The following IFT88 variants were observed in gnomAD, a reference collection of about 807,000 sequenced individuals.
IFT88 encodes intraflagellar transport protein 88 homolog.
Under a neutral mutation model 119.5 loss-of-function variants are expected in IFT88, and 74 were observed. That is an observed-to-expected ratio of 0.62 (90% CI 0.51 to 0.75). The LOEUF (loss-of-function observed/expected upper bound fraction) is 0.75. Among genes scored for constraint, IFT88 ranks in the 30% least tolerant of loss-of-function variants. The pLI, the probability that IFT88 is intolerant of heterozygous loss-of-function variation, is 0.00. For synonymous variants in IFT88, 279 were observed against 316.7 expected (o/e 0.88, Z 1.26); for missense variants, 961 against 977.7 (o/e 0.98, Z 0.23).
chr13:20,671,156 CA>C, intron 24 of IFT88, 117 bp downstream of exon 24: 1 of 592,490 alleles, frequency 1.7e-6, no homozygotes, highest in Non-Finnish European at 2.8e-6. Context: ...TTGTTCTATA[CA>C]CAGTGAAACT....
chr13:20,597,382 G>C (rs560898615), intron 9 of IFT88, among the ~76,000 whole-genome samples: 1 of 152,162 alleles, frequency 6.6e-6, no homozygotes, highest in African/African-American at 2.4e-5. Flanking sequence ...CAAGGTGGGA[G>C]GATTACTGAG....
chr13:20,663,708 GA>G (rs1418246985), intron 23 of IFT88, 104 bp downstream of exon 23: 9 of 812,494 alleles, frequency 1.1e-5, no homozygotes, highest in Non-Finnish European at 1.2e-5. Context: ...AAACAGAGTT[GA>G]AATTTTTTTC....
chr13:20,623,382 G>A (rs147876034), intron 14 of IFT88, among the ~76,000 whole-genome samples: 2 of 152,274 alleles, frequency 1.3e-5, no homozygotes, highest in African/African-American at 4.8e-5. Flanking sequence ...AGATTGCATT[G>A]AATTCATAGA....
In IFT88 at chr13:20,583,525, A is replaced by G. The variant is rs565078301; in HGVS notation, c.153+506A>G. On this transcript the variant is annotated intron_variant, in intron 3 of 25. Coordinates refer to ENST00000351808, the MANE Select transcript of IFT88 (RefSeq NM_006531.5). ...TGTAGGAGTTCTCTATATATTCTGG[A>G]TATTAATGTCTTATCAGATGTCTGA... 2.6e-5 allele frequency among the ~76,000 whole-genome samples: 4 copies of G among 152,286 alleles called. No individual in the cohort carries two copies. In the East Asian group the frequency reaches 7.7e-4, roughly 29 times the overall value.
intron 13 of IFT88, chr13:20,607,207 G>C (rs550477592): frequency 2.5e-6 from 1 of 396,138 alleles, no homozygotes. Context: ...CCCCTGCACC[G>C]CCCATCTCAG....
At chr13:20,689,940 C>T (rs762344201) in intron 24 of IFT88, among the ~76,000 whole-genome samples, 1 of 152,108 alleles carries the variant, frequency 6.6e-6, no homozygotes, top group Non-Finnish European at 1.5e-5. Context: ...ATATTCAGTA[C>T]ACTAAAGAGC....
chr13:20,651,622 T>G (rs950768827), intron 20 of IFT88, among the ~76,000 whole-genome samples: 1 of 151,816 alleles, frequency 6.6e-6, no homozygotes, highest in African/African-American at 2.4e-5. Context: ...TTACCCTCAG[T>G]AAAGTACAAT....
intron 13 of IFT88, among the ~76,000 whole-genome samples, chr13:20,606,998 T>C (rs961687509): frequency 6.6e-6 from 1 of 152,138 alleles, no homozygotes; most frequent in African/African-American, 2.4e-5. Context: ...CCAGATGGGT[T>C]TTACTGGAGA....
intron 14 of IFT88, among the ~76,000 whole-genome samples, chr13:20,616,531 G>A (rs1202592165): frequency 1.3e-5 from 2 of 152,194 alleles, no homozygotes; most frequent in Non-Finnish European, 2.9e-5. Context: ...TAGACTAGGA[G>A]CATTAGGCTA....
chr13:20,645,841 C>T (rs575008999), intron 20 of IFT88, among the ~76,000 whole-genome samples: 5 of 152,166 alleles, frequency 3.3e-5, no homozygotes, highest in African/African-American at 7.2e-5. Flanking sequence ...GAAATGATTT[C>T]TGTTTGGAAT....
Position 20,599,399 on chromosome 13 carries a change from A to T in IFT88, c.698-52A>T, listed in dbSNP as rs2042248860. ...TGAATTAAAAGTCATCTAAAATATC[A>T]AAGAGTGGAAAAATGAGAGTATTAT... On this transcript the variant is annotated intron_variant, in intron 10 of 25. Transcript: ENST00000351808. 4.7e-6 allele frequency: 3 copies of T among 643,182 alleles called. No homozygotes were observed. In the South Asian group the frequency reaches 6.3e-5, roughly 14 times the overall value. 39.8% of individuals were successfully genotyped at this position (643,182 alleles called of 1,614,324 possible). A position where few individuals can be genotyped will look rare whatever the true frequency, so the allele number is the denominator to read the frequency against.
chr13:20,623,280 G>T lies in IFT88; in HGVS notation c.1200-2470G>T, dbSNP rs192736795. Among the ~76,000 whole-genome samples, 12 of 152,212 alleles carry T rather than the reference G, an allele frequency of 7.9e-5. No homozygotes were observed. In the East Asian group the frequency reaches 2.3e-3, roughly 29 times the overall value. ...AGCTTTGCTTTTCTTTTTCAAGATT[G>T]TTTTGGCTATTTGGAGTCCCTTGAA... is the stretch of plus-strand genomic sequence containing the variant. On this transcript the variant is annotated intron_variant, in intron 14 of 25. Transcript: ENST00000351808.
intron 23 of IFT88, 30 bp from the exon 24 acceptor site, chr13:20,670,943 T>G: frequency 6.3e-7 from 1 of 1,598,794 alleles, no homozygotes; most frequent in Non-Finnish European, 8.6e-7. Context: ...TAGCACTTAT[T>G]CTTTTAAACT....
At chr13:20,685,120 T>C (rs1247503884) in intron 24 of IFT88, among the ~76,000 whole-genome samples, 7 of 152,214 alleles carry the variant, frequency 4.6e-5, no homozygotes, top group African/African-American at 1.4e-4. Flanking sequence ...GCATTCCTTA[T>C]GGGAAACAAA....
chr13:20,580,899 G>A (rs1432361902), intron 2 of IFT88, among the ~76,000 whole-genome samples: 1 of 151,700 alleles, frequency 6.6e-6, no homozygotes, highest in Admixed American at 6.6e-5. Context: ...CTAATTTTTT[G>A]TATTTTTAGT....
chr13:20,651,790 G>A (rs952009880), intron 20 of IFT88, among the ~76,000 whole-genome samples: 18 of 152,016 alleles, frequency 1.2e-4, no homozygotes, highest in Non-Finnish European at 5.9e-5. Context: ...GTATATATAG[G>A]GTTCAGTAGT....
At position 20,582,971 on chromosome 13, in the gene IFT88, T is replaced by C; in HGVS notation, c.105T>C (p.Asp35=). The C allele has an allele frequency of 6.2e-7, 1 of 1,612,712 alleles. No homozygotes were observed. The highest frequency in any genetic ancestry group is 8.5e-7 in the Non-Finnish European group (1 of 1,179,060). The change falls in exon 3 of 26, where the codon GAT becomes GAC. Residue 35 remains aspartate (D), a synonymous_variant. Coordinates refer to ENST00000351808, the MANE Select transcript of IFT88 (RefSeq NM_006531.5). ...PIYDIEELEN[D]AAFQQAVRTS... is the part of the protein sequence containing the mutation. The stretch of plus-strand genomic sequence containing the variant: ...TTTCATTTTAGGAATTGGAGAATGA[T>C]GCAGCTTTTCAGCAAGCTGTGAGGA...
intron 2 of IFT88, among the ~76,000 whole-genome samples, chr13:20,582,321 A>G (rs990664827): frequency 6.6e-6 from 1 of 152,218 alleles, no homozygotes; most frequent in Non-Finnish European, 1.5e-5. Flanking sequence ...AGTACATTTC[A>G]GGAATCAGCA....
chr13:20,657,287 A>G (rs906153897), intron 22 of IFT88, among the ~76,000 whole-genome samples: 2 of 152,360 alleles, frequency 1.3e-5, no homozygotes, highest in East Asian at 3.9e-4. Flanking sequence ...GATGCAACTT[A>G]CAGTAATAAT....
Sources: allele counts gnomAD v4.1 joint callset (sites outside exome capture counted in the v4.1 genomes callset), GRCh38; gene constraint gnomAD v4.1.1; transcripts MANE v1.5; gene names NCBI Gene and HGNC (gene_info 2026-07-23, HGNC 2026-07-21).